The following PIAS1 variants were observed in gnomAD, a reference collection of about 807,000 sequenced individuals.
PIAS1 encodes E3 SUMO-protein ligase PIAS1.
A neutral mutation model predicts 71.3 loss-of-function variants in PIAS1; 6 were observed. That is an observed-to-expected ratio of 0.08 (90% CI 0.05 to 0.17). PIAS1 has a LOEUF of 0.17. PIAS1 is among the 10% of genes least tolerant of loss of function. PIAS1 has a pLI of 1.00. For synonymous variants in PIAS1, 303 were observed against 292.9 expected (o/e 1.03, Z -0.35); for missense variants, 555 against 793.6 (o/e 0.70, Z 3.61).
chr15:68,115,512 T>G (rs937746436), intron 2 of PIAS1, among the ~76,000 whole-genome samples: 3 of 152,164 alleles, frequency 2.0e-5, no homozygotes, highest in African/African-American at 7.2e-5. Flanking sequence ...ACAGTTTTAC[T>G]CTTTTCCAGT....
intron 2 of PIAS1, among the ~76,000 whole-genome samples, chr15:68,113,566 A>G (rs974904865): frequency 6.6e-6 from 1 of 152,050 alleles, no homozygotes; most frequent in Non-Finnish European, 1.5e-5. Flanking sequence ...TATTTACCAT[A>G]CTTTTAACTC....
At chr15:68,132,834 G>C (rs1237938780) in intron 2 of PIAS1, among the ~76,000 whole-genome samples, 2 of 151,976 alleles carry the variant, frequency 1.3e-5, no homozygotes, top group Admixed American at 1.3e-4. Context: ...ACTCATTTTT[G>C]CTCAGTTTTA....
intron 2 of PIAS1, among the ~76,000 whole-genome samples, chr15:68,124,689 C>T (rs760958529): frequency 2.0e-5 from 3 of 152,024 alleles, no homozygotes; most frequent in South Asian, 2.1e-4. Flanking sequence ...CACTGCACTC[C>T]GGCCTGAGCA....
At chr15:68,183,764 C>A in intron 13 of PIAS1, 97 bp downstream of exon 13, 1 of 585,550 alleles carries the variant, frequency 1.7e-6, no homozygotes, top group Admixed American at 3.0e-5. Context: ...GCCATATATG[C>A]ATTCCATAAG....
intron 1 of PIAS1, among the ~76,000 whole-genome samples, chr15:68,063,242 A>G (rs897711789): frequency 3.3e-5 from 5 of 152,226 alleles, no homozygotes; most frequent in Non-Finnish European, 5.9e-5. Flanking sequence ...TTTTTAAAAA[A>G]GCTCATGGCA....
At chr15:68,101,664 A>G (rs1425101610) in intron 2 of PIAS1, among the ~76,000 whole-genome samples, 5 of 152,036 alleles carry the variant, frequency 3.3e-5, no homozygotes, top group Non-Finnish European at 7.4e-5. Context: ...TTTACATAGA[A>G]CAAAATGTTT....
At chr15:68,135,640 C>A (rs1250351591) in intron 2 of PIAS1, among the ~76,000 whole-genome samples, 2 of 70,234 alleles carry the variant, frequency 2.8e-5, no homozygotes, top group Admixed American at 2.5e-4. Context: ...CCACCTCCCT[C>A]CCGGACGGGG....
intron 8 of PIAS1, among the ~76,000 whole-genome samples, chr15:68,168,215 G>C (rs977601676): frequency 1.3e-5 from 2 of 151,904 alleles, no homozygotes; most frequent in African/African-American, 4.8e-5. Context: ...CACCATGTTG[G>C]CTAGGCTAGT....
At chr15:68,134,588 C>T (rs1397316569) in intron 2 of PIAS1, among the ~76,000 whole-genome samples, 12 of 36,200 alleles carry the variant, frequency 3.3e-4, no homozygotes, top group East Asian at 1.7e-3. Context: ...GCCCCCCACC[C>T]CCCAGACGGG....
intron 12 of PIAS1, chr15:68,181,681 T>C (rs2093054122): frequency 5.2e-6 from 1 of 191,214 alleles, no homozygotes; most frequent in South Asian, 9.5e-5. Flanking sequence ...AACATTATTT[T>C]TTTTTGCCGT....
chr15:68,103,127 A>C (rs1470763214), intron 2 of PIAS1, among the ~76,000 whole-genome samples: 1 of 151,862 alleles, frequency 6.6e-6, no homozygotes, highest in East Asian at 1.9e-4. Context: ...GGGTTTCACT[A>C]TGTTGGCTAG....
At chr15:68,180,811 GCTT>G (rs935520129) in intron 11 of PIAS1, among the ~76,000 whole-genome samples, 2 of 152,176 alleles carry the variant, frequency 1.3e-5, no homozygotes, top group African/African-American at 4.8e-5. Flanking sequence ...GCATACGTAT[GCTT>G]CTTAATAGCC....
At chr15:68,069,746 G>A (rs771121609) in intron 1 of PIAS1, among the ~76,000 whole-genome samples, 49 of 149,916 alleles carry the variant, frequency 3.3e-4, no homozygotes, top group Non-Finnish European at 7.4e-5. Context: ...GGAGCTTGCA[G>A]TGAGCCGACA....
intron 2 of PIAS1, chr15:68,087,821 T>A (rs1174378103): frequency 2.8e-6 from 1 of 356,508 alleles, no homozygotes; most frequent in South Asian, 2.1e-5. Context: ...ATATGAAGTG[T>A]TTGTTTTTAA....
chr15:68,142,925 T>G (rs2092782235), intron 4 of PIAS1, among the ~76,000 whole-genome samples: 1 of 152,144 alleles, frequency 6.6e-6, no homozygotes, highest in Non-Finnish European at 1.5e-5. Flanking sequence ...GAGACATCTC[T>G]TAAAAATGTT....
At chr15:68,109,455 A>G (rs1336662831) in intron 2 of PIAS1, among the ~76,000 whole-genome samples, 4 of 152,182 alleles carry the variant, frequency 2.6e-5, no homozygotes, top group East Asian at 1.9e-4. Context: ...ATTATTTTAC[A>G]TATACTAGGT....
intron 2 of PIAS1, among the ~76,000 whole-genome samples, chr15:68,127,035 A>G: frequency 6.6e-6 from 1 of 151,992 alleles, no homozygotes; most frequent in Admixed American, 6.6e-5. Context: ...GGTTCAAGTG[A>G]TTCTCCTGCC....
At chr15:68,136,062 C>T (rs1158141216) in intron 2 of PIAS1, among the ~76,000 whole-genome samples, 1 of 58,832 alleles carries the variant, frequency 1.7e-5, no homozygotes, top group African/African-American at 3.7e-5. Flanking sequence ...GGCAGAGACG[C>T]TCCTCACTTC....
chr15:68,173,770 T>TA lies in PIAS1; in HGVS notation c.1048dup (p.Thr350AsnfsTer9), dbSNP rs2093005771. The TA allele has an allele frequency of 6.3e-7, 1 of 1,581,316 alleles. No individual in the cohort carries two copies. The highest frequency in any genetic ancestry group is 8.6e-7 in the Non-Finnish European group (1 of 1,158,102). On this transcript the variant is annotated frameshift_variant, in exon 9 of 14. Transcript: ENST00000249636. LOFTEE classifies it high-confidence loss of function. This position sits in a 1 kb window ranked among gnomAD's most constrained non-coding sequence, Gnocchi z 4.3. ...GGCTGACAATTCCGTGTCGGGCCCT[T>TA]ACATGTTCTCATCTACAATGTTTTG...
Sources: allele counts gnomAD v4.1 joint callset (sites outside exome capture counted in the v4.1 genomes callset), GRCh38; gene constraint gnomAD v4.1.1; non-coding constraint Gnocchi (gnomAD v3.1); transcripts MANE v1.5; gene names NCBI Gene and HGNC (gene_info 2026-07-23, HGNC 2026-07-21).